The following ZNF362 variants were observed in gnomAD, a reference collection of about 807,000 sequenced individuals.
The protein encoded by ZNF362 is zinc finger protein 362, also known as rotund homolog.
Under a neutral mutation model 42.9 loss-of-function variants are expected in ZNF362, and 11 were observed. The observed-to-expected ratio is 0.26, with a 90% CI of 0.16 to 0.42. The LOEUF is 0.42. Among genes scored for constraint, ZNF362 ranks in the 20% least tolerant of loss-of-function variants. ZNF362 has a pLI of 1.00. For missense variants in ZNF362, 362 were observed against 576.2 expected, an observed-to-expected ratio of 0.63 and a Z score of 3.81; for synonymous variants, 255 against 257.3, an observed-to-expected ratio of 0.99 and a Z score of 0.09.
At chr1:33,171,024 C>T in the ZNF362 span, among the ~76,000 whole-genome samples, 30 of 152,190 alleles carry the variant, frequency 2.0e-4, no homozygotes, top group Non-Finnish European at 7.3e-5. Context: ...GTGGCCCCTC[C>T]TTCCCTTCTC....
the ZNF362 span, among the ~76,000 whole-genome samples, chr1:33,129,260 T>C: frequency 6.6e-6 from 1 of 152,268 alleles, no homozygotes; most frequent in East Asian, 1.9e-4. The surrounding 1 kb of genome is among the most constrained non-coding windows in gnomAD (Gnocchi z 4.1). Context: ...TAAAGTTACT[T>C]ATGGGTTGGG....
chr1:33,195,015 A>G, the ZNF362 span: 1 of 152,196 alleles, frequency 6.6e-6, no homozygotes, highest in South Asian at 2.1e-4. Flanking sequence ...AGACATATTG[A>G]AGAGACTGAA....
upstream of ZNF362, among the ~76,000 whole-genome samples, chr1:33,251,641 C>T (rs1645762449): frequency 1.3e-5 from 2 of 152,158 alleles, no homozygotes. Flanking sequence ...GACATCTAGC[C>T]CTGAGTGTCA....
the ZNF362 span, among the ~76,000 whole-genome samples, chr1:33,185,412 G>A: frequency 6.6e-6 from 1 of 151,808 alleles, no homozygotes; most frequent in Non-Finnish European, 1.5e-5. Flanking sequence ...AGTAGAGAGG[G>A]GGTTTCACCA....
the ZNF362 span, among the ~76,000 whole-genome samples, chr1:33,207,552 T>TGTAAA: frequency 2.6e-5 from 4 of 152,222 alleles, no homozygotes; most frequent in Non-Finnish European, 5.9e-5. Flanking sequence ...GTTGAACTAA[T>TGTAAA]TTACACTCCC....
At chr1:33,173,419 G>T in the ZNF362 span, among the ~76,000 whole-genome samples, 1 of 152,098 alleles carries the variant, frequency 6.6e-6, no homozygotes, top group African/African-American at 2.4e-5. Context: ...GCTTGTGTGC[G>T]CATGCATGTG....
At position 33,280,521 on chromosome 1, in the gene ZNF362, C is replaced by T; in HGVS notation, c.683+64C>T. 1 of 1,478,148 alleles carries T rather than the reference C, an allele frequency of 6.8e-7. No individual in the cohort carries two copies. Among genetic ancestry groups the T allele is most frequent in the Non-Finnish European group, 9.0e-7 (1 of 1,108,558 alleles). 91.6% of individuals were successfully genotyped at this position (1,478,148 alleles called of 1,614,324 possible). ...GGCTGGGGCTTGAGCCAGGGCTGCT[C>T]CAGGAGCCCAGCAGCGGGGCTGAAA... On this transcript the variant is annotated intron_variant, in intron 5 of 8. Coordinates refer to ENST00000539719, the MANE Select transcript of ZNF362 (RefSeq NM_152493.3). This position sits in a 1 kb window ranked among gnomAD's most constrained non-coding sequence, Gnocchi z 5.6.
chr1:33,221,302 G>A, the ZNF362 span, among the ~76,000 whole-genome samples: 1 of 152,196 alleles, frequency 6.6e-6, no homozygotes, highest in African/African-American at 2.4e-5. Context: ...ATCCTGGGAA[G>A]GGCCCCCATC....
At chr1:33,134,350 A>T in the ZNF362 span, among the ~76,000 whole-genome samples, 1 of 152,248 alleles carries the variant, frequency 6.6e-6, no homozygotes, top group Non-Finnish European at 1.5e-5. Context: ...CAGCTGGTTA[A>T]GTGGCAGGGC....
At chr1:33,293,945 C>G (rs1212649621) in intron 6 of ZNF362, among the ~76,000 whole-genome samples, 1 of 152,236 alleles carries the variant, frequency 6.6e-6, no homozygotes, top group Non-Finnish European at 1.5e-5. Context: ...AACTGTATCC[C>G]TCCTTCCCGT....
At chr1:33,152,774 G>T in the ZNF362 span, among the ~76,000 whole-genome samples, 2 of 152,116 alleles carry the variant, frequency 1.3e-5, no homozygotes, top group Non-Finnish European at 2.9e-5. Flanking sequence ...AGAGGGGAGT[G>T]CATTGCTCTG....
At chr1:33,260,206 T>C (rs1035860579) in intron 1 of ZNF362, among the ~76,000 whole-genome samples, 1 of 152,248 alleles carries the variant, frequency 6.6e-6, no homozygotes, top group African/African-American at 2.4e-5. Flanking sequence ...GCTGAAACTT[T>C]TCTAATGTTT....
the ZNF362 span, among the ~76,000 whole-genome samples, chr1:33,211,075 A>G: frequency 6.6e-6 from 1 of 151,924 alleles, no homozygotes; most frequent in African/African-American, 2.4e-5. Flanking sequence ...CTGGGACTAC[A>G]GGTGCCCACC....
intron 6 of ZNF362, among the ~76,000 whole-genome samples, chr1:33,282,569 C>T (rs1646003345): frequency 6.6e-6 from 1 of 152,112 alleles, no homozygotes; most frequent in Non-Finnish European, 1.5e-5. Context: ...CACCTGTAAT[C>T]CCAGCACTTT....
At chr1:33,181,088 G>C in the ZNF362 span, 1 of 1,599,320 alleles carries the variant, frequency 6.3e-7, no homozygotes, top group Non-Finnish European at 8.5e-7. The surrounding 1 kb of genome is among the most constrained non-coding windows in gnomAD (Gnocchi z 6.5). Flanking sequence ...GTGCAGGCTC[G>C]TCGCAGAAGA....
the ZNF362 span, among the ~76,000 whole-genome samples, chr1:33,199,464 TGGAAA>T: frequency 2.6e-5 from 4 of 152,130 alleles, no homozygotes; most frequent in African/African-American, 7.2e-5. Flanking sequence ...AATACTTTCT[TGGAAA>T]TACAAAAACT....
chr1:33,210,100 G>A, the ZNF362 span, among the ~76,000 whole-genome samples: 1 of 152,162 alleles, frequency 6.6e-6, no homozygotes, highest in Non-Finnish European at 1.5e-5. Context: ...TGCTTTAAAT[G>A]TGCCCCAGAG....
chr1:33,191,109 G>T, the ZNF362 span, among the ~76,000 whole-genome samples: 10 of 152,148 alleles, frequency 6.6e-5, no homozygotes, highest in African/African-American at 2.2e-4. Flanking sequence ...CCGTGGGCAT[G>T]GTATCTGCTT....
At chr1:33,229,113 G>T in the ZNF362 span, among the ~76,000 whole-genome samples, 1 of 151,954 alleles carries the variant, frequency 6.6e-6, no homozygotes. Context: ...AAGGTTGGGG[G>T]TGGGGGTGGG....
Sources: allele counts gnomAD v4.1 joint callset (sites outside exome capture counted in the v4.1 genomes callset), GRCh38; gene constraint gnomAD v4.1.1; non-coding constraint Gnocchi (gnomAD v3.1); transcripts MANE v1.5; gene names NCBI Gene and HGNC (gene_info 2026-07-23, HGNC 2026-07-21).